NPAS3: variants seen among roughly 807,000 people sequenced by gnomAD.
The protein encoded by NPAS3 is neuronal PAS domain protein 3.
In NPAS3, 14 loss-of-function variants were observed where a neutral mutation model predicts 73.1. That is an observed-to-expected ratio of 0.19 (90% CI 0.13 to 0.30). The LOEUF (loss-of-function observed/expected upper bound fraction) is 0.30, where lower values mean the gene tolerates loss of function less well. NPAS3 is among the 10% of genes least tolerant of loss of function. The pLI is 1.00. For synonymous variants in NPAS3, 620 were observed against 541.5 expected (o/e 1.14, Z -2.01); for missense variants, 1,096 against 1,250.0 (o/e 0.88, Z 1.86).
intron 5 of NPAS3, among the ~76,000 whole-genome samples, chr14:33,656,999 A>G (rs1007147554): frequency 1.3e-5 from 2 of 152,234 alleles, no homozygotes; most frequent in Non-Finnish European, 2.9e-5. Flanking sequence ...AGATGAATGG[A>G]TAATGAAACA....
chr14:32,943,321 C>T (rs939006472), intron 1 of NPAS3, among the ~76,000 whole-genome samples: 1 of 152,130 alleles, frequency 6.6e-6, no homozygotes, highest in African/African-American at 2.4e-5. Context: ...AAGACTTATA[C>T]TGTACTTCAA....
intron 2 of NPAS3, chr14:33,213,755 G>A (rs1158566865): frequency 1.3e-5 from 2 of 152,176 alleles, no homozygotes; most frequent in African/African-American, 2.4e-5. Flanking sequence ...ACATTTGTTA[G>A]CTAATGTAGA....
intron 2 of NPAS3, among the ~76,000 whole-genome samples, chr14:33,210,583 T>G (rs2046993967): frequency 6.6e-6 from 1 of 152,164 alleles, no homozygotes; most frequent in Admixed American, 6.5e-5. Context: ...AAAGATCATC[T>G]TGTCTAGAAG....
At chr14:33,739,431 C>G (rs576102166) in intron 7 of NPAS3, among the ~76,000 whole-genome samples, 9 of 152,168 alleles carry the variant, frequency 5.9e-5, no homozygotes, top group Non-Finnish European at 1.2e-4. Flanking sequence ...CTCATATACT[C>G]TAGCTTTAAG....
chr14:33,164,590 A>G (rs1381750377), intron 2 of NPAS3, among the ~76,000 whole-genome samples: 4 of 152,220 alleles, frequency 2.6e-5, no homozygotes, highest in African/African-American at 9.6e-5. Context: ...GTGGAATAAT[A>G]ATAATGGCAA....
Position 33,002,753 on chromosome 14 carries a change from A to G in NPAS3, c.51-53152A>G, listed in dbSNP as rs535098879. ...AATGAATGATGATTTGAATGACTGTAATGTGTTGATTTAATAGATGTTCAG... is the reference window on the plus strand; with the variant it reads ...AATGAATGATGATTTGAATGACTGTGATGTGTTGATTTAATAGATGTTCAG... On this transcript the variant is annotated intron_variant, in intron 1 of 11. Coordinates refer to ENST00000356141, the Ensembl canonical transcript of NPAS3. Among the ~76,000 whole-genome samples, 73 of 152,306 alleles carry G rather than the reference A, an allele frequency of 4.8e-4. 2 individuals carry two copies. The South Asian group carries it at 0.015, about 31-fold the overall frequency.
At chr14:33,650,892 C>T (rs945289500) in intron 5 of NPAS3, among the ~76,000 whole-genome samples, 4 of 152,156 alleles carry the variant, frequency 2.6e-5, no homozygotes, top group African/African-American at 7.2e-5. Context: ...AGGCCAGAAC[C>T]GACAGACTTG....
chr14:33,302,093 A>G (rs535180766), intron 3 of NPAS3, among the ~76,000 whole-genome samples: 1 of 152,338 alleles, frequency 6.6e-6, no homozygotes, highest in Non-Finnish European at 1.5e-5. Flanking sequence ...AAATGTTTTT[A>G]AATAAATAAA....
intron 5 of NPAS3, among the ~76,000 whole-genome samples, chr14:33,643,375 T>TAAAAAAAAAAAAAAAAAAAAAAAAAAA (rs755879056): frequency 1.1e-5 from 1 of 94,636 alleles, no homozygotes; most frequent in African/African-American, 4.0e-5. Context: ...AAATAAAAAT[T>TAAAAAAAAAAAAAAAAAAAAAAAAAAA]AAAAAAAAAA....
intron 5 of NPAS3, among the ~76,000 whole-genome samples, chr14:33,577,751 C>T (rs564889512): frequency 3.9e-5 from 6 of 152,298 alleles, no homozygotes; most frequent in South Asian, 2.1e-4. Context: ...GCCTTTCAAC[C>T]GACAACAGCC....
intron 5 of NPAS3, among the ~76,000 whole-genome samples, chr14:33,639,045 C>T (rs913803125): frequency 6.6e-6 from 1 of 152,182 alleles, no homozygotes; most frequent in African/African-American, 2.4e-5. Context: ...TAATGTAATA[C>T]ATCACAAAGG....
At chr14:33,469,330 A>G (rs1028445850) in intron 4 of NPAS3, among the ~76,000 whole-genome samples, 92 of 151,320 alleles carry the variant, frequency 6.1e-4, no homozygotes, top group African/African-American at 2.0e-3. Context: ...GTGTGTATGT[A>G]TATGTTCTAT....
intron 4 of NPAS3, among the ~76,000 whole-genome samples, chr14:33,480,755 C>G (rs1336056754): frequency 2.0e-5 from 3 of 151,892 alleles, no homozygotes; most frequent in Admixed American, 6.6e-5. Flanking sequence ...GTCAATGTGG[C>G]AGTGAGGCCC....
intron 7 of NPAS3, among the ~76,000 whole-genome samples, chr14:33,762,616 C>T (rs915766873): frequency 2.0e-5 from 3 of 152,114 alleles, no homozygotes; most frequent in East Asian, 1.9e-4. Flanking sequence ...TAAAGACATA[C>T]GAATAGCAGC....
At chr14:33,293,476 T>G (rs542831142) in intron 3 of NPAS3, among the ~76,000 whole-genome samples, 1 of 152,130 alleles carries the variant, frequency 6.6e-6, no homozygotes, top group Non-Finnish European at 1.5e-5. Context: ...ATGTTGTGAG[T>G]GATTTAATGA....
chr14:33,558,668 C>T (rs1330741248), intron 4 of NPAS3, among the ~76,000 whole-genome samples: 1 of 151,536 alleles, frequency 6.6e-6, no homozygotes, highest in Non-Finnish European at 1.5e-5. Flanking sequence ...AATATACATT[C>T]CCCCAAAATT....
intron 2 of NPAS3, among the ~76,000 whole-genome samples, chr14:33,081,180 C>G (rs952363): frequency 1.3e-5 from 2 of 151,846 alleles, no homozygotes; most frequent in Non-Finnish European, 2.9e-5. Context: ...GTGGTATGGC[C>G]GTAGACTAGA....
chr14:33,072,041 C>T (rs566412999), intron 2 of NPAS3, among the ~76,000 whole-genome samples: 1 of 152,220 alleles, frequency 6.6e-6, no homozygotes, highest in South Asian at 2.1e-4. Context: ...CAGATGTGCA[C>T]CACCACGCCC....
intron 2 of NPAS3, among the ~76,000 whole-genome samples, chr14:33,115,952 T>G (rs1410056785): frequency 6.6e-6 from 1 of 152,104 alleles, no homozygotes; most frequent in Non-Finnish European, 1.5e-5. Context: ...CTCCATATTT[T>G]GGGAGACTCC....
Sources: allele counts gnomAD v4.1 joint callset (sites outside exome capture counted in the v4.1 genomes callset), GRCh38; gene constraint gnomAD v4.1.1; transcripts MANE v1.5; gene names NCBI Gene and HGNC (gene_info 2026-07-23, HGNC 2026-07-21).